ARNT2: variants seen among roughly 807,000 people sequenced by gnomAD.
The protein encoded by ARNT2 is aryl hydrocarbon receptor nuclear translocator 2.
In ARNT2, 36 loss-of-function variants were observed where a neutral mutation model predicts 91.7. That is an observed-to-expected ratio of 0.39 (90% CI 0.30 to 0.52). The LOEUF (loss-of-function observed/expected upper bound fraction) is 0.52. Ranked by LOEUF, ARNT2 falls within the 20% of genes least tolerant of loss-of-function variation. The pLI, the probability that ARNT2 is intolerant of heterozygous loss-of-function variation, is 0.72. For synonymous variants in ARNT2, 365 were observed against 347.1 expected (o/e 1.05, Z -0.57); for missense variants, 775 against 939.3 (o/e 0.83, Z 2.29).
At chr15:80,438,279 T>C (rs934818565) in intron 1 of ARNT2, among the ~76,000 whole-genome samples, 1 of 152,148 alleles carries the variant, frequency 6.6e-6, no homozygotes, top group African/African-American at 2.4e-5. Flanking sequence ...GCAACTGAGT[T>C]TGGTGGAGGA....
intron 1 of ARNT2, among the ~76,000 whole-genome samples, chr15:80,426,130 T>G (rs1251564325): frequency 6.6e-6 from 1 of 150,698 alleles, no homozygotes; most frequent in Non-Finnish European, 1.5e-5. Context: ...CAATGAAGAT[T>G]GCCATTTCAG....
At chr15:80,427,431 A>T (rs530685614) in intron 1 of ARNT2, among the ~76,000 whole-genome samples, 38 of 152,260 alleles carry the variant, frequency 2.5e-4, no homozygotes, top group African/African-American at 8.9e-4. Context: ...TATACAAGAG[A>T]TGTGTCCAGA....
At chr15:80,481,001 A>T (rs1896877585) in intron 5 of ARNT2, among the ~76,000 whole-genome samples, 1 of 152,206 alleles carries the variant, frequency 6.6e-6, no homozygotes, top group Non-Finnish European at 1.5e-5. Context: ...TGTTGAATGA[A>T]TGGACCCCCA....
intron 11 of ARNT2, 136 bp downstream of exon 11, chr15:80,555,275 AG>A (rs1898159646): frequency 2.5e-6 from 2 of 800,728 alleles, no homozygotes; most frequent in Admixed American, 4.5e-5. Context: ...GGCCCCTGCT[AG>A]GAAGTCACTC....
intron 5 of ARNT2, among the ~76,000 whole-genome samples, chr15:80,499,898 T>G (rs1041080129): frequency 2.0e-5 from 3 of 152,106 alleles, no homozygotes; most frequent in Non-Finnish European, 2.9e-5. Flanking sequence ...AGGTAATGGG[T>G]AAATAGAGTA....
chr15:80,548,593 C>T (rs941505969), intron 8 of ARNT2, among the ~76,000 whole-genome samples: 1 of 151,914 alleles, frequency 6.6e-6, no homozygotes, highest in Non-Finnish European at 1.5e-5. Flanking sequence ...AAATCAATAG[C>T]CTTCATATAC....
At chr15:80,542,675 G>A (rs57087680) in intron 8 of ARNT2, among the ~76,000 whole-genome samples, 7 of 151,956 alleles carry the variant, frequency 4.6e-5, no homozygotes, top group African/African-American at 1.7e-4. Context: ...CATTGAATGA[G>A]GAACAAATGA....
chr15:80,581,228 C>T lies in ARNT2; in HGVS notation c.1753-11C>T. On this transcript the variant is annotated splice_polypyrimidine_tract_variant and intron_variant, in intron 16 of 18. Coordinates refer to ENST00000303329, the MANE Select transcript of ARNT2 (RefSeq NM_014862.4). ...GATGCTTTCCATCTCTTTGCTTTGT[C>T]CTGATTGTAGCAAATCCCATCTCAG... The T allele has an allele frequency of 6.2e-7, 1 of 1,614,046 alleles. No individual in the cohort carries two copies. Among genetic ancestry groups the T allele is most frequent in the East Asian group, 2.2e-5 (1 of 44,870 alleles).
intron 12 of ARNT2, among the ~76,000 whole-genome samples, chr15:80,566,916 T>A (rs535724080): frequency 6.6e-6 from 1 of 152,378 alleles, no homozygotes; most frequent in East Asian, 1.9e-4. Context: ...CTATTTTCTA[T>A]TCTGATTTTA....
intron 11 of ARNT2, chr15:80,562,776 C>A: frequency 2.7e-6 from 1 of 364,534 alleles, no homozygotes; most frequent in Non-Finnish European, 5.1e-6. Context: ...AACGCTCTGG[C>A]TTGCAGAGTT....
intron 13 of ARNT2, 59 bp from the exon 14 acceptor site, chr15:80,574,928 A>G (rs1268064333): frequency 2.6e-6 from 4 of 1,564,094 alleles, no homozygotes; most frequent in Non-Finnish European, 3.5e-6. Context: ...GCTCCTGGGG[A>G]CGCATGTTCT....
chr15:80,429,721 G>A (rs1895982934), intron 1 of ARNT2, among the ~76,000 whole-genome samples: 2 of 152,204 alleles, frequency 1.3e-5, no homozygotes, highest in African/African-American at 4.8e-5. Flanking sequence ...TAACTGTGGG[G>A]ATCCATGCCA....
chr15:80,482,441 C>T (rs3935990), intron 5 of ARNT2, among the ~76,000 whole-genome samples: 1 of 151,900 alleles, frequency 6.6e-6, no homozygotes, highest in Admixed American at 6.6e-5. Context: ...ATTATCGGCC[C>T]CATTTCACAG....
intron 17 of ARNT2, among the ~76,000 whole-genome samples, chr15:80,590,279 G>A (rs1228566885): frequency 5.9e-5 from 9 of 152,130 alleles, no homozygotes; most frequent in Admixed American, 5.9e-4. Flanking sequence ...GGTACTGAAT[G>A]ATTTGAAACA....
intron 5 of ARNT2, among the ~76,000 whole-genome samples, chr15:80,482,935 T>C (rs1233677529): frequency 6.6e-6 from 1 of 152,246 alleles, no homozygotes; most frequent in Non-Finnish European, 1.5e-5. Context: ...TCATATCAAG[T>C]TATCTGGATT....
At chr15:80,589,201 C>T (rs1893229996) in intron 17 of ARNT2, among the ~76,000 whole-genome samples, 1 of 152,064 alleles carries the variant, frequency 6.6e-6, no homozygotes, top group African/African-American at 2.4e-5. Flanking sequence ...TAGAAGTCAA[C>T]AAGATAGTTT....
chr15:80,523,028 G>C (rs1444393229), intron 8 of ARNT2, among the ~76,000 whole-genome samples: 1 of 152,034 alleles, frequency 6.6e-6, no homozygotes, highest in African/African-American at 2.4e-5. Flanking sequence ...CTCAGAGCCA[G>C]GGAGTGTGAA....
At chr15:80,581,565 T>C (rs2141481371) in intron 17 of ARNT2, among the ~76,000 whole-genome samples, 161 bp downstream of exon 17, 1 of 152,330 alleles carries the variant, frequency 6.6e-6, no homozygotes, top group Admixed American at 6.5e-5. Flanking sequence ...AGGCCTATGG[T>C]GTTCCTAAGA....
intron 8 of ARNT2, 186 bp from the exon 9 acceptor site, chr15:80,551,013 A>G (rs1898071347): frequency 1.7e-6 from 1 of 578,240 alleles, no homozygotes; most frequent in Non-Finnish European, 3.1e-6. Flanking sequence ...TAAAATTATC[A>G]AAAGACATCA....
Sources: allele counts gnomAD v4.1 joint callset (sites outside exome capture counted in the v4.1 genomes callset), GRCh38; gene constraint gnomAD v4.1.1; transcripts MANE v1.5; gene names NCBI Gene and HGNC (gene_info 2026-07-23, HGNC 2026-07-21).